Variants in FAM227B observed in about 807,000 individuals in gnomAD.
The protein encoded by FAM227B is protein FAM227B.
In FAM227B, 88 loss-of-function variants were observed where a neutral mutation model predicts 73.8. The ratio of observed to expected loss-of-function variants is 1.19; its 90% CI spans 1.00 to 1.42. The LOEUF is 1.42. Among genes scored for constraint, FAM227B ranks in the 40% most tolerant of loss-of-function variants. The pLI, the probability that FAM227B is intolerant of heterozygous loss-of-function variation, is 0.00. For missense variants in FAM227B, 632 were observed against 590.9 expected (o/e 1.07, Z -0.72); for synonymous variants, 210 against 190.5 (o/e 1.10, Z -0.84).
At chr15:49,337,151 CAT>C (rs775778759) in intron 13 of FAM227B, among the ~76,000 whole-genome samples, 2 of 152,142 alleles carry the variant, frequency 1.3e-5, no homozygotes, top group African/African-American at 4.8e-5. Context: ...CTGCAATGAA[CAT>C]ATGAGTACAT....
At chr15:49,398,821 C>A (rs1183338972) in intron 11 of FAM227B, among the ~76,000 whole-genome samples, 2 of 57,852 alleles carry the variant, frequency 3.5e-5, no homozygotes, top group South Asian at 6.7e-4. Context: ...ACACAACATA[C>A]CAGAATCTCT....
chr15:49,361,103 A>C (rs1166930920), intron 13 of FAM227B, among the ~76,000 whole-genome samples: 1 of 152,194 alleles, frequency 6.6e-6, no homozygotes, highest in Admixed American at 6.5e-5. Context: ...AAGGTGATGA[A>C]TATGTTAGCT....
At position 49,517,179 on chromosome 15, in the gene FAM227B, T is replaced by C. The variant is rs546647971; in HGVS notation, c.875-8831A>G. Among the ~76,000 whole-genome samples the C allele has an allele frequency of 3.3e-5, 5 of 152,290 alleles. No homozygotes were observed. The East Asian group carries it at 9.6e-4, about 29-fold the overall frequency. ...AACTAATACAGCCTCTTGTGATCCT[T>C]TTTTTCTCTTATTGTGTATAAGTCA... On this transcript the variant is annotated intron_variant, in intron 10 of 15. Transcript: ENST00000299338.
chr15:49,488,872 T>C (rs1340425494), intron 11 of FAM227B: 1 of 152,078 alleles, frequency 6.6e-6, no homozygotes, highest in African/African-American at 2.4e-5. Context: ...AATCAAGGTG[T>C]AGACCAGGGC....
chr15:49,382,736 G>A (rs2046623500), intron 11 of FAM227B, among the ~76,000 whole-genome samples: 1 of 152,086 alleles, frequency 6.6e-6, no homozygotes, highest in Non-Finnish European at 1.5e-5. Flanking sequence ...CAATCACTGT[G>A]AAGATTCCCA....
chr15:49,508,074 T>A, intron 11 of FAM227B, 137 bp downstream of exon 11: 1 of 857,732 alleles, frequency 1.2e-6, no homozygotes, highest in East Asian at 2.7e-5. Context: ...TGTACCACTA[T>A]AACATCAATC....
intron 11 of FAM227B, among the ~76,000 whole-genome samples, chr15:49,397,916 A>C (rs534864714): frequency 6.6e-6 from 1 of 152,314 alleles, no homozygotes; most frequent in Admixed American, 6.5e-5. Context: ...AAGACCATCA[A>C]GACTAGGAAG....
intron 11 of FAM227B, among the ~76,000 whole-genome samples, chr15:49,432,405 C>A (rs2050696309): frequency 6.6e-6 from 1 of 151,632 alleles, no homozygotes; most frequent in Non-Finnish European, 1.5e-5. Flanking sequence ...AGCAGAATTT[C>A]TCTGAGTCTA....
At chr15:49,489,860 T>TTTATA (rs2056865291) in intron 11 of FAM227B, among the ~76,000 whole-genome samples, 2 of 6,812 alleles carry the variant, frequency 2.9e-4, no homozygotes, top group African/African-American at 6.5e-4. Flanking sequence ...TATATATATT[T>TTTATA]TATATATATA....
chr15:49,591,793 G>A (rs985389814), intron 3 of FAM227B, among the ~76,000 whole-genome samples: 14 of 152,028 alleles, frequency 9.2e-5, no homozygotes, highest in African/African-American at 3.4e-4. Flanking sequence ...CCTTTCTTAA[G>A]GCTGAATAAT....
chr15:49,410,733 A>G (rs999248747), intron 11 of FAM227B, among the ~76,000 whole-genome samples: 1 of 152,130 alleles, frequency 6.6e-6, no homozygotes, highest in African/African-American at 2.4e-5. Flanking sequence ...GTTACTGGAT[A>G]AAAGTTTAAA....
chr15:49,575,063 G>C lies in FAM227B; in HGVS notation c.593C>G (p.Ser198Cys). The C allele has an allele frequency of 6.2e-7, 1 of 1,602,278 alleles. No homozygotes were observed. Among genetic ancestry groups the C allele is most frequent in the South Asian group, 1.1e-5 (1 of 89,414 alleles). Residue 198 changes from serine (S) to cysteine (C), a missense_variant, in exon 8 of 16, where the codon TCC becomes TGC. Physicochemically the swap from Ser to Cys is moderately radical, Grantham distance 112 (BLOSUM62 -1). Coordinates refer to ENST00000299338, the MANE Select transcript of FAM227B (RefSeq NM_152647.3). Reference sequence around the variant, plus strand: ...AAAGGAGTCATGCAAAAGAGCAATGGAGGCTTCTGAGAGAAAATGAGTCTT... The same window carrying C: ...AAAGGAGTCATGCAAAAGAGCAATGCAGGCTTCTGAGAGAAAATGAGTCTT... ...IWKTHFLSEASIALLHDSFWW... is the reference protein window; with the variant it reads ...IWKTHFLSEACIALLHDSFWW...
intron 8 of FAM227B, among the ~76,000 whole-genome samples, chr15:49,574,088 A>C (rs2075294717): frequency 6.6e-6 from 1 of 152,088 alleles, no homozygotes; most frequent in Non-Finnish European, 1.5e-5. Context: ...AAAAAAACTG[A>C]CTTTGTAAGT....
At chr15:49,580,074 G>C (rs2152384706) in intron 5 of FAM227B, among the ~76,000 whole-genome samples, 1 of 152,186 alleles carries the variant, frequency 6.6e-6, no homozygotes, top group East Asian at 1.9e-4. Context: ...CTGAAAACGA[G>C]ACCACAAAAA....
At chr15:49,467,776 G>A (rs1447381997) in intron 11 of FAM227B, among the ~76,000 whole-genome samples, 1 of 152,098 alleles carries the variant, frequency 6.6e-6, no homozygotes, top group Non-Finnish European at 1.5e-5. Flanking sequence ...ATTTCCTCCT[G>A]TCTGATTCAG....
chr15:49,486,408 T>C (rs1384369433), intron 11 of FAM227B: 1 of 152,002 alleles, frequency 6.6e-6, no homozygotes, highest in Non-Finnish European at 1.5e-5. Context: ...TCAGTAACTG[T>C]AGTCTTGTGA....
chr15:49,597,049 C>A (rs1014138037), intron 3 of FAM227B, among the ~76,000 whole-genome samples: 1 of 151,920 alleles, frequency 6.6e-6, no homozygotes, highest in Non-Finnish European at 1.5e-5. Flanking sequence ...CCACTGACAG[C>A]ACCAAACAAG....
At chr15:49,615,862 T>C (rs780079703) in intron 1 of FAM227B, among the ~76,000 whole-genome samples, 59 of 152,314 alleles carry the variant, frequency 3.9e-4, no homozygotes, top group Middle Eastern at 3.4e-3. Context: ...TAAGCTATTA[T>C]AATGTTTATA....
At chr15:49,480,818 C>T (rs2152011391) in intron 11 of FAM227B, among the ~76,000 whole-genome samples, 1 of 152,046 alleles carries the variant, frequency 6.6e-6, no homozygotes, top group South Asian at 2.1e-4. Context: ...AAACAGTGGG[C>T]AATAGACAGG....
Sources: gnomAD v4.1 joint callset for allele counts (sites outside exome capture counted in the v4.1 genomes callset) on GRCh38, gnomAD v4.1.1 for gene constraint, MANE v1.5 for transcripts, NCBI Gene and HGNC (gene_info 2026-07-23, HGNC 2026-07-21) for gene names.